MAP3K15: variants seen among roughly 807,000 people sequenced by gnomAD.
The protein encoded by MAP3K15 is MAPK/ERK kinase kinase 15.
In MAP3K15, 124 loss-of-function variants were observed where a neutral mutation model predicts 99.5. The ratio of observed to expected loss-of-function variants is 1.25; its 90% CI spans 1.08 to 1.45. MAP3K15 has a LOEUF of 1.45. MAP3K15 is among the 40% of genes most tolerant of loss of function. The probability of loss-of-function intolerance (pLI) is 0.00; values close to 1 mark genes in which losing one functional copy is unlikely to be tolerated. For missense variants in MAP3K15, 1,242 were observed against 1,079.7 expected, an observed-to-expected ratio of 1.15 and a Z score of -2.11; for synonymous variants, 494 against 439.6, an observed-to-expected ratio of 1.12 and a Z score of -1.55.
intron 6 of MAP3K15, among the ~76,000 whole-genome samples, chrX:19,435,270 G>A (rs184977371): frequency 1.9e-5 from 2 of 106,155 alleles, no homozygotes; most frequent in Non-Finnish European, 3.9e-5. Flanking sequence ...GGGTCGCCCA[G>A]GCTGGAGTGC....
intron 13 of MAP3K15, among the ~76,000 whole-genome samples, chrX:19,403,460 CTT>C (rs144389481): frequency 3.4e-5 from 3 of 86,958 alleles, no homozygotes; most frequent in Admixed American, 1.3e-4. Flanking sequence ...TTATTCTATT[CTT>C]TTTTTTTTTT....
At chrX:19,415,352 A>T in intron 9 of MAP3K15, 95 bp from the exon 10 acceptor site, 1 of 828,027 alleles carries the variant, frequency 1.2e-6, no homozygotes, top group Non-Finnish European at 1.6e-6. Context: ...GCTTTTATTC[A>T]CTTAAATTCA....
chrX:19,506,118 G>A (rs2064475083), intron 1 of MAP3K15, among the ~76,000 whole-genome samples: 1 of 111,626 alleles, frequency 9.0e-6, no homozygotes, highest in African/African-American at 3.3e-5. Flanking sequence ...ATTTTTAGTA[G>A]AGACAGGGTT....
intron 5 of MAP3K15, among the ~76,000 whole-genome samples, chrX:19,457,980 A>G (rs915918379): frequency 2.1e-4 from 23 of 112,184 alleles, no homozygotes; most frequent in Admixed American, 1.7e-3. Context: ...TAAACTCTGC[A>G]TAATTACCTG....
chrX:19,489,604 C>T (rs898262933), intron 1 of MAP3K15, among the ~76,000 whole-genome samples: 3 of 110,966 alleles, frequency 2.7e-5, no homozygotes, highest in Non-Finnish European at 5.7e-5. Context: ...AAAGAGACTC[C>T]GGGGAGCTGC....
In MAP3K15 at chrX:19,362,857, T is replaced by TAAAAAAAAA. The variant is rs34487219; in HGVS notation, c.3567-16_3567-8dup. 1.8e-6 allele frequency: 1 copy of TAAAAAAAAA among 553,374 alleles called. No homozygotes were observed. Among genetic ancestry groups the TAAAAAAAAA allele is most frequent in the Non-Finnish European group, 2.5e-6 (1 of 395,094 alleles). 45.6% of individuals were successfully genotyped at this position (553,374 alleles called of 1,213,427 possible). A position where few individuals can be genotyped will look rare whatever the true frequency, so the allele number is the denominator to read the frequency against. ...AACTAGGTGTTCCAAAAGTCTGGTT[T>TAAAAAAAAA]AAAAAAAAAAAAAAAAAGCCATTAT... is the stretch of plus-strand genomic sequence containing the variant. On this transcript the variant is annotated splice_polypyrimidine_tract_variant and splice_region_variant and intron_variant, in intron 25 of 28. Transcript: ENST00000338883.
intron 5 of MAP3K15, among the ~76,000 whole-genome samples, chrX:19,458,814 A>G (rs1012644325): frequency 8.9e-6 from 1 of 112,322 alleles, no homozygotes; most frequent in African/African-American, 3.2e-5. Flanking sequence ...CGCCTCCATC[A>G]CTTCAATTTA....
At chrX:19,480,974 G>T (rs1015900687) in intron 3 of MAP3K15, among the ~76,000 whole-genome samples, 10 of 108,501 alleles carry the variant, frequency 9.2e-5, no homozygotes, top group Non-Finnish European at 1.7e-4. Context: ...AATTAGCTGG[G>T]CGTGGTGGTG....
chrX:19,478,991 A>G (rs2064271421), intron 3 of MAP3K15, among the ~76,000 whole-genome samples: 1 of 111,742 alleles, frequency 8.9e-6, no homozygotes, highest in South Asian at 3.7e-4. Context: ...GGCTATGCAC[A>G]GCTTTCAGGT....
intron 16 of MAP3K15, among the ~76,000 whole-genome samples, chrX:19,392,693 C>G (rs1307058211): frequency 2.7e-5 from 3 of 111,582 alleles, no homozygotes; most frequent in African/African-American, 3.3e-5. Context: ...ACAGGGTGAA[C>G]ATGAACCCCT....
rs16981172 is a variant in MAP3K15 at position 19,458,075 on chromosome X, T to C, written c.889-1056A>G. Among the ~76,000 whole-genome samples the C allele has an allele frequency of 7.3e-3, 818 of 112,144 alleles. 6 individuals carry two copies. The highest frequency in any genetic ancestry group is 0.026 in the African/African-American group (791 of 30,880). ...ACTCTTTCAGCCAGGCTTAGAATCG[T>C]TGGAACTGGCCAACTTGCTGACAGC... is the stretch of plus-strand genomic sequence containing the variant. On this transcript the variant is annotated intron_variant, in intron 5 of 28. Coordinates refer to ENST00000338883, the MANE Select transcript of MAP3K15 (RefSeq NM_001001671.4).
chrX:19,393,853 A>ACCT (rs1175564255), intron 16 of MAP3K15, among the ~76,000 whole-genome samples: 1 of 95,740 alleles, frequency 1.0e-5, no homozygotes, highest in Non-Finnish European at 2.0e-5. Context: ...GCTCACTGCA[A>ACCT]CCTCCTCCTC....
chrX:19,440,167 T>C (rs2063949618), intron 6 of MAP3K15, among the ~76,000 whole-genome samples: 1 of 112,128 alleles, frequency 8.9e-6, no homozygotes, highest in African/African-American at 3.2e-5. Context: ...ACCTCTTCCC[T>C]GGGTCCCTCC....
At position 19,478,681 on chromosome X, in the gene MAP3K15, G is replaced by A. The variant is rs887243222; in HGVS notation, c.525+7801C>T. ...AATGAGTTTCTCTTAAATCTCACTG[G>A]CTTTCCAGAAAAAAAAAATCACCTA... On this transcript the variant is annotated intron_variant, in intron 3 of 28. Transcript: ENST00000338883. Among the ~76,000 whole-genome samples, 4 of 109,058 alleles carry A rather than the reference G, an allele frequency of 3.7e-5. No individual in the cohort carries two copies. The Admixed American group carries it at 3.9e-4, about 11-fold the overall frequency. The allele number at this position is 109,058 out of a possible 115,157, so 94.7% of individuals were successfully genotyped here.
chrX:19,411,046 T>C (rs1309298667), intron 11 of MAP3K15, among the ~76,000 whole-genome samples: 1 of 109,970 alleles, frequency 9.1e-6, no homozygotes. Flanking sequence ...GAGCTGAGCA[T>C]GGTAGCACAC....
intron 1 of MAP3K15, among the ~76,000 whole-genome samples, chrX:19,492,840 G>A (rs1858151202): frequency 9.1e-6 from 1 of 110,180 alleles, no homozygotes; most frequent in Non-Finnish European, 1.9e-5. Context: ...TGGGGTGGGC[G>A]CCTGTAATCC....
Position 19,490,192 on chromosome X carries a change from C to T in MAP3K15, c.362-1225G>A, listed in dbSNP as rs900815164. ...ACACACACACACACACACATACATA[C>T]AAAAATTCCTTAACAGTATATTGCT... On this transcript the variant is annotated intron_variant, in intron 1 of 28. Coordinates refer to ENST00000338883, the MANE Select transcript of MAP3K15 (RefSeq NM_001001671.4). 5.9e-5 allele frequency among the ~76,000 whole-genome samples: 6 copies of T among 100,915 alleles called. No individual in the cohort carries two copies. The Admixed American group carries it at 6.3e-4, about 11-fold the overall frequency. 87.6% of individuals were successfully genotyped at this position (100,915 alleles called of 115,157 possible).
intron 3 of MAP3K15, among the ~76,000 whole-genome samples, chrX:19,483,006 T>G (rs2064301073): frequency 9.1e-6 from 1 of 110,078 alleles, no homozygotes; most frequent in Non-Finnish European, 1.9e-5. Flanking sequence ...CCCAGCTCTT[T>G]GGGAGGCCAA....
At chrX:19,484,127 G>A (rs754560150) in intron 3 of MAP3K15, among the ~76,000 whole-genome samples, 7 of 111,778 alleles carry the variant, frequency 6.3e-5, no homozygotes, top group Middle Eastern at 4.6e-3. Context: ...CCCAACCCCC[G>A]GGGCCATGGA....
Sources: gnomAD v4.1 joint callset for allele counts (sites outside exome capture counted in the v4.1 genomes callset) on GRCh38, gnomAD v4.1.1 for gene constraint, MANE v1.5 for transcripts, NCBI Gene and HGNC (gene_info 2026-07-23, HGNC 2026-07-21) for gene names.